The following ZNF662 variants were observed in gnomAD, a reference collection of about 807,000 sequenced individuals.
ZNF662 encodes the protein zinc finger protein 662.
A neutral mutation model predicts 12.4 loss-of-function variants in ZNF662; 14 were observed. The ratio of observed to expected loss-of-function variants is 1.13; its 90% CI spans 0.75 to 1.77. ZNF662 has a LOEUF of 1.77. ZNF662 is among the 40% of genes most tolerant of loss of function. ZNF662 has a pLI of 0.00. For missense variants in ZNF662, 550 were observed against 515.6 expected (o/e 1.07, Z -0.65); for synonymous variants, 184 against 176.4 (o/e 1.04, Z -0.34).
rs1046332166 is a variant in ZNF662, at chr3:42,915,990, A to T, written c.*636A>T. On this transcript the variant is annotated 3_prime_UTR_variant, in exon 5 of 5. Transcript: ENST00000440367. The stretch of plus-strand genomic sequence containing the variant: ...CCCCAGCTAAATGACTCTGAGGACC[A>T]ACAGTACATTTCTTTTATGTTTTTC... 3 of 152,176 alleles carry T rather than the reference A, an allele frequency of 2.0e-5. No homozygotes were observed. The highest frequency in any genetic ancestry group is 1.3e-4 in the Admixed American group (2 of 15,254). 9.4% of individuals were successfully genotyped at this position (152,176 alleles called of 1,614,324 possible).
chr3:42,914,534 T>C lies in ZNF662; in HGVS notation c.461T>C (p.Ile154Thr), dbSNP rs201053430. 2.7e-4 allele frequency: 435 copies of C among 1,614,156 alleles called. 3 individuals are homozygous for C. The highest frequency in any genetic ancestry group is 9.3e-5 in the Non-Finnish European group (110 of 1,180,016). The change falls in exon 5 of 5, where the codon ATT (isoleucine) becomes ACT (threonine). Residue 154 changes from isoleucine to threonine, a missense_variant. Ile to Thr is a moderately conservative substitution (Grantham distance 89, BLOSUM62 -1). Coordinates refer to ENST00000440367, the MANE Select transcript of ZNF662 (RefSeq NM_207404.4). ...GGRMESSTND[I>T]IEVIVKDEMI... ...CGTATGGAAAGTTCTACAAATGATATTATAGAAGTGATTGTCAAGGATGAG... is the reference window on the plus strand; with the variant it reads ...CGTATGGAAAGTTCTACAAATGATACTATAGAAGTGATTGTCAAGGATGAG...
At chr3:42,910,442 TA>T in intron 3 of ZNF662, among the ~76,000 whole-genome samples, 1 of 152,192 alleles carries the variant, frequency 6.6e-6, no homozygotes, top group African/African-American at 2.4e-5. Flanking sequence ...CCATCTTCAT[TA>T]ACCTGTTTTG....
Position 42,915,540 on chromosome 3 carries a change from G to A in ZNF662, c.*186G>A, listed in dbSNP as rs1292189124. The A allele has an allele frequency of 5.3e-6, 3 of 567,304 alleles. No individual in the cohort carries two copies. The highest frequency in any genetic ancestry group is 8.9e-6 in the Non-Finnish European group (3 of 335,692). The allele number at this position is 567,304 out of a possible 1,614,324, so 35.1% of individuals were successfully genotyped here. On this transcript the variant is annotated 3_prime_UTR_variant, in exon 5 of 5. Coordinates refer to ENST00000440367, the MANE Select transcript of ZNF662 (RefSeq NM_207404.4). Reference sequence around the variant, plus strand: ...CTCTGTTCTATGATGTTTTAACAAGGCATCATTTAGTTGGGCAGCTACTCT... The same window carrying A: ...CTCTGTTCTATGATGTTTTAACAAGACATCATTTAGTTGGGCAGCTACTCT...
chr3:42,912,490 T>C (rs1405624872), intron 3 of ZNF662, among the ~76,000 whole-genome samples: 1 of 33,262 alleles, frequency 3.0e-5, no homozygotes, highest in East Asian at 5.2e-3. Context: ...ATATTTAATA[T>C]ATATTTATAT....
chr3:42,914,779 ATT>A lies in ZNF662; in HGVS notation c.707_708del (p.Ile236SerfsTer13), dbSNP rs772441682. On this transcript the variant is annotated frameshift_variant, in exon 5 of 5. Coordinates refer to ENST00000440367, the MANE Select transcript of ZNF662 (RefSeq NM_207404.4). LOFTEE classifies it low-confidence loss of function (END_TRUNC). ...GKAFSFRSHCIAHQRIHSGVK... is the reference protein window; with the variant it reads ...GKAFSFRSHCXAHQRIHSGVK... ...GGCTTTCAGTTTTCGATCACATTGCATTGCACATCAGAGAATTCACAGTGGGG... is the reference window on the plus strand; with the variant it reads ...GGCTTTCAGTTTTCGATCACATTGCAGCACATCAGAGAATTCACAGTGGGG... 15 of 1,613,892 alleles carry A rather than the reference ATT, an allele frequency of 9.3e-6. No homozygotes were observed. In the East Asian group the frequency reaches 3.1e-4, roughly 34 times the overall value.
Position 42,906,402 on chromosome 3 carries a change from G to T in ZNF662, c.-94+234G>T. On this transcript the variant is annotated intron_variant, in intron 1 of 4. Coordinates refer to ENST00000440367, the MANE Select transcript of ZNF662 (RefSeq NM_207404.4). This position sits in a 1 kb window ranked among gnomAD's most constrained non-coding sequence, Gnocchi z 4.4. Reference sequence around the variant, plus strand: ...GGACACGCCTCGGCCTTGTCCTCGAGCTGCTCCCGGGACAGCCCGCGCTGC... The same window carrying T: ...GGACACGCCTCGGCCTTGTCCTCGATCTGCTCCCGGGACAGCCCGCGCTGC... 1.3e-6 allele frequency: 2 copies of T among 1,516,158 alleles called. No homozygotes were observed. 93.9% of individuals were successfully genotyped at this position (1,516,158 alleles called of 1,614,324 possible).
Position 42,915,255 on chromosome 3 carries a change from G to A in ZNF662, c.1182G>A (p.Gly394=), listed in dbSNP as rs757667986. 7 of 1,614,070 alleles carry A rather than the reference G, an allele frequency of 4.3e-6. No homozygotes were observed. The East Asian group carries it at 1.3e-4, about 31-fold the overall frequency. The change falls in exon 5 of 5, where the codon GGG becomes GGA. Residue 394 remains glycine (G), a synonymous_variant. Transcript: ENST00000440367. ...GERPYKCNDC[G]KAFSQNSVLI... is the part of the protein sequence containing the mutation. The stretch of plus-strand genomic sequence containing the variant: ...GACCCTATAAATGTAATGACTGTGG[G>A]AAGGCCTTCAGTCAGAATTCTGTCT...
chr3:42,907,504 G>T, intron 1 of ZNF662: 1 of 184,450 alleles, frequency 5.4e-6, no homozygotes, highest in Non-Finnish European at 1.0e-5. Flanking sequence ...GCAAGAGCCA[G>T]AGTCAAACAG....
chr3:42,912,365 TATATG>T (rs1310418080), intron 3 of ZNF662, among the ~76,000 whole-genome samples: 1 of 103,130 alleles, frequency 9.7e-6, no homozygotes, highest in African/African-American at 4.0e-5. Flanking sequence ...TTATATATTA[TATATG>T]ATATATTAAA....
In ZNF662 at chr3:42,912,640, TTA is replaced by T. The variant is rs1344357774; in HGVS notation, c.152-550_152-549del. ...TCTATAAAATATATATTTATATATT[TTA>T]TATATATATAAATATATATATATAT... On this transcript the variant is annotated intron_variant, in intron 3 of 4. Transcript: ENST00000440367. 3.1e-3 allele frequency among the ~76,000 whole-genome samples: 296 copies of T among 96,042 alleles called. 6 individuals are homozygous for T. The highest frequency in any genetic ancestry group is 0.011 in the African/African-American group (261 of 22,882). 63.0% of individuals were successfully genotyped at this position (96,042 alleles called of 152,430 possible).
At position 42,912,693 on chromosome 3, in the gene ZNF662, A is replaced by AT. The variant is rs55883208; in HGVS notation, c.152-504dup. ...TTTTTATATATATAAATATATATAT[A>AT]TTTTATATATATAAATATATATATA... On this transcript the variant is annotated intron_variant, in intron 3 of 4. Coordinates refer to ENST00000440367, the MANE Select transcript of ZNF662 (RefSeq NM_207404.4). 8.5e-4 allele frequency among the ~76,000 whole-genome samples: 45 copies of AT among 53,094 alleles called. 3 individuals carry two copies. The highest frequency in any genetic ancestry group is 5.7e-3 in the East Asian group (5 of 870). 34.8% of individuals were successfully genotyped at this position (53,094 alleles called of 152,430 possible).
In ZNF662 at chr3:42,917,271, A is replaced by G; in HGVS notation, c.*1917A>G. On this transcript the variant is annotated 3_prime_UTR_variant, in exon 5 of 5. Coordinates refer to ENST00000440367, the MANE Select transcript of ZNF662 (RefSeq NM_207404.4). ...GGACCCTGTTTGGCTTGTGTCAATC[A>G]GTTTATCCCATCCCCTTGGCCACAG... The G allele has an allele frequency of 2.0e-6, 1 of 499,880 alleles. No homozygotes were observed. The highest frequency in any genetic ancestry group is 3.5e-6 in the Non-Finnish European group (1 of 287,154). The allele number at this position is 499,880 out of a possible 1,614,324, so 31.0% of individuals were successfully genotyped here. A position where few individuals can be genotyped will look rare whatever the true frequency, so the allele number is the denominator to read the frequency against.
At chr3:42,907,509 A>C in intron 1 of ZNF662, 1 of 195,388 alleles carries the variant, frequency 5.1e-6, no homozygotes, top group Non-Finnish European at 9.3e-6. Flanking sequence ...AGCCAGAGTC[A>C]AACAGGCCTG....
intron 3 of ZNF662, among the ~76,000 whole-genome samples, chr3:42,909,837 C>T (rs370217658): frequency 1.8e-4 from 27 of 151,462 alleles, no homozygotes; most frequent in African/African-American, 5.8e-4. Context: ...GACGGGGTCG[C>T]GGCCAGGCAG....
At chr3:42,912,491 ATATT>A (rs1399598547) in intron 3 of ZNF662, among the ~76,000 whole-genome samples, 2 of 33,418 alleles carry the variant, frequency 6.0e-5, no homozygotes, top group African/African-American at 9.3e-5. Flanking sequence ...TATTTAATAT[ATATT>A]TATATATTAT....
chr3:42,915,242 G>T lies in ZNF662; in HGVS notation c.1169G>T (p.Cys390Phe). 6.2e-7 allele frequency: 1 copy of T among 1,613,890 alleles called. No individual in the cohort carries two copies. Among genetic ancestry groups the T allele is most frequent in the Non-Finnish European group, 8.5e-7 (1 of 1,179,820 alleles). The change falls in exon 5 of 5, where the codon TGT (cysteine) becomes TTT (phenylalanine). Residue 390 changes from cysteine to phenylalanine, a missense_variant. Coordinates refer to ENST00000440367, the MANE Select transcript of ZNF662 (RefSeq NM_207404.4). Reference sequence around the variant, plus strand: ...CATACTGGGGAAAGACCCTATAAATGTAATGACTGTGGGAAGGCCTTCAGT... The same window carrying T: ...CATACTGGGGAAAGACCCTATAAATTTAATGACTGTGGGAAGGCCTTCAGT... ...RIHTGERPYK[C>F]NDCGKAFSQN...
At chr3:42,913,454 T>G (rs2088856295) in intron 4 of ZNF662, 152 bp downstream of exon 4, 1 of 591,116 alleles carries the variant, frequency 1.7e-6, no homozygotes, top group African/African-American at 1.9e-5. Context: ...ACTTAAACCC[T>G]AAGCTTCCAA....
Position 42,915,072 on chromosome 3 carries a change from AT to A in ZNF662, c.1000del (p.Cys334ValfsTer70). ...RMHTGEKPYE[C>X]KDCGKGFMWN... ...TGCACACTGGGGAGAAGCCTTACGA[AT>A]GTAAGGACTGTGGGAAGGGCTTCAT... is the stretch of plus-strand genomic sequence containing the variant. On this transcript the variant is annotated frameshift_variant, in exon 5 of 5. Transcript: ENST00000440367. LOFTEE classifies it low-confidence loss of function (END_TRUNC). The A allele has an allele frequency of 6.2e-7, 1 of 1,614,186 alleles. No homozygotes were observed. The highest frequency in any genetic ancestry group is 1.1e-5 in the South Asian group (1 of 91,076).
rs768365059 is a variant in ZNF662 at position 42,917,466 on chromosome 3, C to A, written c.*2112C>A. On this transcript the variant is annotated 3_prime_UTR_variant, in exon 5 of 5. Transcript: ENST00000440367. ...GTTAAAAGGGGAGATTCTCAAGCTT[C>A]CAGGTGCTACCATATGGAGCCTAAG... The A allele has an allele frequency of 2.9e-6, 2 of 686,396 alleles. No homozygotes were observed. Among genetic ancestry groups the A allele is most frequent in the Non-Finnish European group, 5.2e-6 (2 of 380,994 alleles). 42.5% of individuals were successfully genotyped at this position (686,396 alleles called of 1,614,324 possible). A position where few individuals can be genotyped will look rare whatever the true frequency, so the allele number is the denominator to read the frequency against.
Sources: allele counts gnomAD v4.1 joint callset (sites outside exome capture counted in the v4.1 genomes callset), GRCh38; gene constraint gnomAD v4.1.1; non-coding constraint Gnocchi (gnomAD v3.1); transcripts MANE v1.5; gene names NCBI Gene and HGNC (gene_info 2026-07-23, HGNC 2026-07-21).